Variants in CCDC15 observed in about 807,000 individuals in gnomAD.
CCDC15 encodes the protein coiled-coil domain-containing protein 15.
In CCDC15, 105 loss-of-function variants were observed where a neutral mutation model predicts 114.5. That is an observed-to-expected ratio of 0.92 (90% CI 0.78 to 1.08). The LOEUF is 1.08. CCDC15 is among the 50% of genes least tolerant of loss of function. CCDC15 has a pLI of 0.00. For missense variants in CCDC15, 1,105 were observed against 1,093.6 expected (o/e 1.01, Z -0.15); for synonymous variants, 334 against 377.8 (o/e 0.88, Z 1.34).
intron 13 of CCDC15, among the ~76,000 whole-genome samples, chr11:125,015,803 G>A (rs1285811494): frequency 6.6e-6 from 1 of 152,136 alleles, no homozygotes; most frequent in African/African-American, 2.4e-5. Flanking sequence ...TTTTTCTTGT[G>A]AGCATAAATG....
rs1201290595 is a variant in CCDC15, at chr11:124,954,354, C to T, written c.-26C>T. The T allele has an allele frequency of 1.1e-5, 2 of 190,078 alleles. No individual in the cohort carries two copies. The highest frequency in any genetic ancestry group is 4.7e-5 in the African/African-American group (2 of 42,340). The allele number at this position is 190,078 out of a possible 1,614,324, so 11.8% of individuals were successfully genotyped here. On this transcript the variant is annotated 5_prime_UTR_variant, in exon 1 of 16. Coordinates refer to ENST00000344762, the MANE Select transcript of CCDC15 (RefSeq NM_025004.3). ...ATAACCTATACCGATTATTGGGACT[C>T]TCGGCTGCAGACACAGGTCCCCGCC...
At chr11:124,958,367 A>ATT (rs150378521) in intron 2 of CCDC15, among the ~76,000 whole-genome samples, 109 of 148,768 alleles carry the variant, frequency 7.3e-4, no homozygotes, top group African/African-American at 2.4e-3. Flanking sequence ...TTTTTTTGTG[A>ATT]TTTTTTTTTT....
intron 15 of CCDC15, among the ~76,000 whole-genome samples, chr11:125,040,105 G>T (rs1441780177): frequency 6.6e-6 from 1 of 151,814 alleles, no homozygotes; most frequent in East Asian, 1.9e-4. Context: ...GAGTGCAGTG[G>T]CACGATCTCG....
chr11:124,970,366 G>A (rs1011446462), intron 4 of CCDC15, among the ~76,000 whole-genome samples: 10 of 152,212 alleles, frequency 6.6e-5, no homozygotes, highest in African/African-American at 2.4e-4. Flanking sequence ...GAAAGATAAT[G>A]CAACTCGCTG....
At chr11:125,038,817 A>G in intron 14 of CCDC15, 104 bp from the exon 15 acceptor site, 1 of 1,350,344 alleles carries the variant, frequency 7.4e-7, no homozygotes, top group East Asian at 2.3e-5. Context: ...CAAGGCCCAG[A>G]GATACGGAAT....
chr11:124,986,395 G>T (rs1447402135), intron 6 of CCDC15, among the ~76,000 whole-genome samples: 2 of 152,198 alleles, frequency 1.3e-5, no homozygotes, highest in Non-Finnish European at 2.9e-5. Context: ...GAAAAGCCAA[G>T]TGGCATTTTG....
chr11:124,967,503 A>G (rs1426145539), intron 4 of CCDC15, among the ~76,000 whole-genome samples: 1 of 152,100 alleles, frequency 6.6e-6, no homozygotes, highest in African/African-American at 2.4e-5. Flanking sequence ...GATCTTCTCT[A>G]CACTGTTTAT....
intron 2 of CCDC15, among the ~76,000 whole-genome samples, chr11:124,956,910 T>G (rs1415277054): frequency 6.6e-6 from 1 of 152,192 alleles, no homozygotes; most frequent in African/African-American, 2.4e-5. Context: ...AAAGGGGAAC[T>G]TCTACTCATT....
chr11:125,005,820 A>G (rs1015410931), intron 13 of CCDC15, among the ~76,000 whole-genome samples: 3 of 152,058 alleles, frequency 2.0e-5, no homozygotes, highest in African/African-American at 4.8e-5. Context: ...TATGTATGCA[A>G]CCTTTTTAGA....
At position 124,993,170 on chromosome 11, in the gene CCDC15, A is replaced by G. The variant is rs754413913; in HGVS notation, c.2141A>G (p.Asn714Ser). 7 of 1,595,176 alleles carry G rather than the reference A, an allele frequency of 4.4e-6. No homozygotes were observed. Among genetic ancestry groups the G allele is most frequent in the Non-Finnish European group, 4.3e-6 (5 of 1,165,676 alleles). The change falls in exon 11 of 16, where the codon AAC (asparagine) becomes AGC (serine). Residue 714 changes from asparagine to serine, a missense_variant and splice_region_variant. Asn to Ser is a conservative substitution (Grantham distance 46, BLOSUM62 1). Coordinates refer to ENST00000344762, the MANE Select transcript of CCDC15 (RefSeq NM_025004.3). Reference sequence around the variant, plus strand: ...TTTTGTATTTTGTTGTTCCTTTAGAACAAGCATATCAAACTACCCTCATCT... The same window carrying G: ...TTTTGTATTTTGTTGTTCCTTTAGAGCAAGCATATCAAACTACCCTCATCT... ...IQDQDSPREQ[N>S]KHIKLPSSFE...
rs1320157421 is a variant in CCDC15 at position 124,959,858 on chromosome 11, A to C, written c.371A>C (p.His124Pro). ...GSIAMQSSAT[H>P]LTSKRTSVFP... is the part of the protein sequence containing the mutation. ...ATAGCCATGCAGTCTTCAGCAACAC[A>C]CTTAACTTCCAAAAGGACAAGTGTT... The change falls in exon 4 of 16, where the codon CAC becomes CCC. Residue 124 changes from histidine to proline, a missense_variant. His to Pro is a moderately conservative substitution (Grantham distance 77, BLOSUM62 -2). Transcript: ENST00000344762. 6.2e-7 allele frequency: 1 copy of C among 1,601,984 alleles called. No homozygotes were observed. Among genetic ancestry groups the C allele is most frequent in the African/African-American group, 1.3e-5 (1 of 74,786 alleles).
At chr11:125,008,704 T>A (rs939983015) in intron 13 of CCDC15, among the ~76,000 whole-genome samples, 1 of 151,848 alleles carries the variant, frequency 6.6e-6, no homozygotes, top group African/African-American at 2.4e-5. Flanking sequence ...TTCTTTTTCT[T>A]TTTTTTTGAT....
intron 5 of CCDC15, among the ~76,000 whole-genome samples, chr11:124,976,798 T>G (rs939633642): frequency 6.6e-6 from 1 of 152,090 alleles, no homozygotes; most frequent in African/African-American, 2.4e-5. Flanking sequence ...TATAAACCAG[T>G]TTTTTACGTC....
chr11:124,993,137 A>G (rs370083469), intron 10 of CCDC15, 32 bp from the exon 11 acceptor site: 35 of 1,384,580 alleles, frequency 2.5e-5, no homozygotes. Flanking sequence ...TTCTGCTTAG[A>G]CAATCAGTTT....
intron 13 of CCDC15, among the ~76,000 whole-genome samples, chr11:125,013,133 GA>G (rs1293156552): frequency 1.3e-5 from 2 of 152,222 alleles, no homozygotes; most frequent in East Asian, 3.9e-4. Context: ...GACAACAGGA[GA>G]AAAAGAGACA....
At chr11:124,991,674 G>A in intron 9 of CCDC15, 91 bp downstream of exon 9, 4 of 1,206,984 alleles carry the variant, frequency 3.3e-6, no homozygotes, top group Middle Eastern at 2.0e-4. Flanking sequence ...GGATTTTGGA[G>A]CTAACCTAAG....
At chr11:124,975,037 G>A in intron 4 of CCDC15, 59 bp from the exon 5 acceptor site, 1 of 1,032,292 alleles carries the variant, frequency 9.7e-7, no homozygotes, top group South Asian at 1.6e-5. Flanking sequence ...AACACTTAGT[G>A]CATTTGGAAT....
At chr11:125,013,535 G>C (rs551014208) in intron 13 of CCDC15, among the ~76,000 whole-genome samples, 154 of 152,300 alleles carry the variant, frequency 1.0e-3, no homozygotes, top group Non-Finnish European at 1.7e-3. Context: ...GGAACAGAGA[G>C]TGACATATTT....
rs778259441 is a variant in CCDC15, at chr11:125,040,699, GA to G, written c.2849del (p.Asn950IlefsTer17). 1.9e-6 allele frequency: 3 copies of G among 1,611,406 alleles called. No individual in the cohort carries two copies. Among genetic ancestry groups the G allele is most frequent in the Non-Finnish European group, 2.5e-6 (3 of 1,178,648 alleles). On this transcript the variant is annotated frameshift_variant, in exon 16 of 16. Coordinates refer to ENST00000344762, the MANE Select transcript of CCDC15 (RefSeq NM_025004.3). LOFTEE classifies it high-confidence loss of function. ...TTGCTTCTGCACACAGGCGGACTTT[GA>G]AAAATCTATAATAAGAATCTGAAAT... is the stretch of plus-strand genomic sequence containing the variant. The part of the protein sequence containing the change: ...NFASAHRRTL[K>X]NL
Sources: allele counts gnomAD v4.1 joint callset (sites outside exome capture counted in the v4.1 genomes callset), GRCh38; gene constraint gnomAD v4.1.1; transcripts MANE v1.5; gene names NCBI Gene and HGNC (gene_info 2026-07-23, HGNC 2026-07-21).